The following SH3D19 variants were observed in gnomAD, a reference collection of about 807,000 sequenced individuals.
The protein encoded by SH3D19 is SH3 domain containing 19, also known as SH3 domain-containing protein 19.
A neutral mutation model predicts 112.1 loss-of-function variants in SH3D19; 58 were observed. The observed-to-expected ratio is 0.52, with a 90% CI of 0.42 to 0.64. The LOEUF is 0.64. Ranked by LOEUF, SH3D19 falls within the 30% of genes least tolerant of loss-of-function variation. The pLI is 0.00. For synonymous variants in SH3D19, 391 were observed against 448.5 expected, an observed-to-expected ratio of 0.87 and a Z score of 1.62; for missense variants, 1,090 against 1,263.4, an observed-to-expected ratio of 0.86 and a Z score of 2.08.
chr4:151,248,095 G>A (rs899594252), intron 1 of SH3D19, among the ~76,000 whole-genome samples: 3 of 150,600 alleles, frequency 2.0e-5, no homozygotes, highest in Non-Finnish European at 4.4e-5. Context: ...CAAACTGTAA[G>A]GTATTTTTTA....
chr4:151,148,169 G>A lies in SH3D19; in HGVS notation c.1835C>T (p.Thr612Ile). 6.2e-7 allele frequency: 1 copy of A among 1,603,692 alleles called. No individual in the cohort carries two copies. The highest frequency in any genetic ancestry group is 8.5e-7 in the Non-Finnish European group (1 of 1,176,930). The change falls in exon 11 of 20, where the codon ACC becomes ATC. Residue 612 changes from threonine to isoleucine, a missense_variant. Thr to Ile is a moderately conservative substitution (Grantham distance 89). Coordinates refer to ENST00000604030, the MANE Select transcript of SH3D19 (RefSeq NM_001378122.1). ...RLPPRPVNGK[T>I]IPTQQPPTKV... ...GGTTGGAGGCTGTTGAGTTGGAATG[G>A]TTTTTCCATTCACAGGTCTGAAAGT... is the stretch of plus-strand genomic sequence containing the variant.
At chr4:151,128,493 C>T (rs1749913700) in intron 17 of SH3D19, 137 bp from the exon 18 acceptor site, 1 of 569,578 alleles carries the variant, frequency 1.8e-6, no homozygotes, top group African/African-American at 1.9e-5. Flanking sequence ...TTTAAATTAT[C>T]TAATACTTTA....
rs139870636 is a variant in SH3D19, at chr4:151,310,075, G to C, written c.112+15166C>G. On this transcript the variant is annotated intron_variant, in intron 1 of 19. Transcript: ENST00000604030. ...GAGGCAGGAGGATAACTAAGACCCT[G>C]TCTCAAAAAGAAAGTCAGTTGAGCA... is the stretch of plus-strand genomic sequence containing the variant. Among the ~76,000 whole-genome samples the C allele has an allele frequency of 6.5e-4, 99 of 151,666 alleles. 1 individual carries two copies. The East Asian group carries it at 0.017, about 26-fold the overall frequency.
chr4:151,221,883 T>G (rs566259602), intron 2 of SH3D19, among the ~76,000 whole-genome samples: 42 of 152,310 alleles, frequency 2.8e-4, no homozygotes, highest in African/African-American at 9.9e-4. Flanking sequence ...ATTGGGAGTG[T>G]AAGTCCACAA....
At chr4:151,214,990 A>ACGGGGTCGCGACCGGG (rs1174148704) in intron 2 of SH3D19, among the ~76,000 whole-genome samples, 8 of 142,226 alleles carry the variant, frequency 5.6e-5, no homozygotes, top group African/African-American at 2.1e-4. Flanking sequence ...CACCTCCCAG[A>ACGGGGTCGCGACCGGG]CGGGGTCGCG....
At chr4:151,163,423 A>C (rs1190062615) in intron 8 of SH3D19, among the ~76,000 whole-genome samples, 1 of 152,080 alleles carries the variant, frequency 6.6e-6, no homozygotes, top group Non-Finnish European at 1.5e-5. Flanking sequence ...ACCCAGGCAA[A>C]ATTTCTTATT....
intron 9 of SH3D19, among the ~76,000 whole-genome samples, chr4:151,156,623 T>C (rs1461471591): frequency 1.3e-5 from 2 of 152,186 alleles, no homozygotes; most frequent in African/African-American, 2.4e-5. Flanking sequence ...GATATCCATA[T>C]GCAGACGAAT....
intron 1 of SH3D19, among the ~76,000 whole-genome samples, chr4:151,267,515 T>C (rs997073696): frequency 1.6e-4 from 25 of 152,240 alleles, no homozygotes; most frequent in Non-Finnish European, 2.9e-5. Context: ...GCTTTTATTT[T>C]TCCTTCTGAA....
At position 151,282,455 on chromosome 4, in the gene SH3D19, T is replaced by C. The variant is rs777930048; in HGVS notation, c.112+42786A>G. On this transcript the variant is annotated intron_variant, in intron 1 of 19. Transcript: ENST00000604030. The stretch of plus-strand genomic sequence containing the variant: ...AGAAGGGTTGTTTCATATGTCATCC[T>C]CTTGTACTCCAGAACATTCATATTC... The C allele has an allele frequency of 6.9e-6, 11 of 1,602,866 alleles. No homozygotes were observed. The South Asian group carries it at 7.8e-5, about 11-fold the overall frequency.
chr4:151,207,099 C>A (rs1034993186), intron 2 of SH3D19, among the ~76,000 whole-genome samples: 1 of 152,158 alleles, frequency 6.6e-6, no homozygotes, highest in African/African-American at 2.4e-5. Context: ...TGGGGTAGGA[C>A]CACGTGGAAA....
intron 1 of SH3D19, among the ~76,000 whole-genome samples, chr4:151,233,096 A>G (rs1003536418): frequency 6.6e-6 from 1 of 151,846 alleles, no homozygotes; most frequent in Non-Finnish European, 1.5e-5. Context: ...CATGGGAGGG[A>G]TCTAGGCTTT....
At chr4:151,128,068 A>T in intron 18 of SH3D19, 102 bp downstream of exon 18, 1 of 929,628 alleles carries the variant, frequency 1.1e-6, no homozygotes, top group African/African-American at 1.7e-5. Context: ...TCAAATATAG[A>T]CAGACAAACT....
chr4:151,319,832 C>T lies in SH3D19; in HGVS notation c.112+5409G>A, dbSNP rs58930249. Among the ~76,000 whole-genome samples, 278 of 152,300 alleles carry T rather than the reference C, an allele frequency of 1.8e-3. 1 individual carries two copies. The highest frequency in any genetic ancestry group is 6.3e-3 in the African/African-American group (263 of 41,560). On this transcript the variant is annotated intron_variant, in intron 1 of 19. Transcript: ENST00000604030. ...ATAAATGTAAAGTACTTCTAGAATA[C>T]AGCAAGCAGCATACAGGTATAAATG...
At chr4:151,214,226 T>G (rs1429581019) in intron 2 of SH3D19, among the ~76,000 whole-genome samples, 2 of 151,944 alleles carry the variant, frequency 1.3e-5, no homozygotes, top group Admixed American at 6.6e-5. Context: ...AGAAGAATCT[T>G]TCTTAGTACA....
chr4:151,225,968 G>T, intron 2 of SH3D19, 79 bp downstream of exon 2: 1 of 938,526 alleles, frequency 1.1e-6, no homozygotes. Context: ...ACTCTAAAGA[G>T]GACACTTACA....
intron 3 of SH3D19, among the ~76,000 whole-genome samples, chr4:151,183,194 G>A (rs1761227035): frequency 6.6e-6 from 1 of 152,042 alleles, no homozygotes; most frequent in African/African-American, 2.4e-5. Flanking sequence ...GTTTCACCAT[G>A]TTGGTCAGGC....
chr4:151,162,972 A>T (rs1487467994), intron 8 of SH3D19, among the ~76,000 whole-genome samples: 1 of 152,236 alleles, frequency 6.6e-6, no homozygotes, highest in Non-Finnish European at 1.5e-5. Context: ...TTTATGCTGA[A>T]CATCTGCTTT....
At chr4:151,252,672 A>G (rs1771508782) in intron 1 of SH3D19, among the ~76,000 whole-genome samples, 1 of 152,116 alleles carries the variant, frequency 6.6e-6, no homozygotes, top group Admixed American at 6.5e-5. Context: ...CAAATTCCAG[A>G]TTTATATATT....
intron 8 of SH3D19, among the ~76,000 whole-genome samples, chr4:151,160,506 T>C (rs1223641253): frequency 6.6e-6 from 1 of 152,182 alleles, no homozygotes; most frequent in Non-Finnish European, 1.5e-5. Context: ...CAACTTATTT[T>C]AAAAAGAAGA....
Sources: allele counts gnomAD v4.1 joint callset (sites outside exome capture counted in the v4.1 genomes callset), GRCh38; gene constraint gnomAD v4.1.1; transcripts MANE v1.5; gene names NCBI Gene and HGNC (gene_info 2026-07-23, HGNC 2026-07-21).